Variants in PDE3B observed in about 807,000 individuals in gnomAD.
PDE3B encodes the protein phosphodiesterase 3B, also known as cGMP-inhibited 3',5'-cyclic phosphodiesterase 3B.
In PDE3B, 66 loss-of-function variants were observed where a neutral mutation model predicts 116.8. The observed-to-expected ratio is 0.56, with a 90% CI of 0.46 to 0.69. PDE3B has a LOEUF of 0.69. Ranked by LOEUF, PDE3B falls within the 30% of genes least tolerant of loss-of-function variation. PDE3B has a pLI of 0.00. For synonymous variants in PDE3B, 595 were observed against 533.6 expected (o/e 1.12, Z -1.59); for missense variants, 1,384 against 1,368.1 (o/e 1.01, Z -0.18).
chr11:14,782,192 A>G (rs902767351), intron 2 of PDE3B, among the ~76,000 whole-genome samples: 2 of 152,220 alleles, frequency 1.3e-5, no homozygotes, highest in African/African-American at 4.8e-5. Context: ...GCCCAAAGTC[A>G]TTTATAGATT....
intron 10 of PDE3B, among the ~76,000 whole-genome samples, chr11:14,834,265 A>G (rs1470202439): frequency 6.6e-6 from 1 of 152,204 alleles, no homozygotes; most frequent in African/African-American, 2.4e-5. Flanking sequence ...AACTGCAATC[A>G]TTAGATTCAC....
intron 1 of PDE3B, among the ~76,000 whole-genome samples, chr11:14,688,074 T>G (rs1463864068): frequency 6.6e-6 from 1 of 151,352 alleles, no homozygotes; most frequent in African/African-American, 2.4e-5. Flanking sequence ...GAATTAAAAT[T>G]TTCTTTCTTT....
rs1176918379 is a variant in PDE3B at position 14,645,016 on chromosome 11, T to A, written c.941T>A (p.Phe314Tyr). 3 of 1,612,766 alleles carry A rather than the reference T, an allele frequency of 1.9e-6. No individual in the cohort carries two copies. Among genetic ancestry groups the A allele is most frequent in the Non-Finnish European group, 1.7e-6 (2 of 1,179,586 alleles). ...AASYYGSCKI[F>Y]RRPSLPCISR... ...AGTTACTATGGCAGTTGCAAAATAT[T>A]CAGGAGACCGTCGTTGCCTTGTATT... The change falls in exon 1 of 16, where the codon TTC becomes TAC. Residue 314 changes from phenylalanine (F) to tyrosine (Y), a missense_variant. Phe to Tyr is a conservative substitution (Grantham distance 22). This residue lies in a region of PDE3B where 956 missense variants were observed against 806.8 expected (regional missense o/e 1.18). Coordinates refer to ENST00000282096, the MANE Select transcript of PDE3B (RefSeq NM_000922.4).
chr11:14,678,995 A>G (rs1228453061), intron 1 of PDE3B, among the ~76,000 whole-genome samples: 3 of 152,094 alleles, frequency 2.0e-5, no homozygotes, highest in African/African-American at 7.2e-5. Context: ...TTCTAACATC[A>G]TTTGTTGTGT....
At chr11:14,690,677 C>A (rs1457661332) in intron 1 of PDE3B, among the ~76,000 whole-genome samples, 1 of 150,488 alleles carries the variant, frequency 6.6e-6, no homozygotes, top group East Asian at 2.0e-4. Context: ...CCAACAATAC[C>A]TGGGAGGCAC....
At chr11:14,724,995 G>A (rs748815450) in intron 1 of PDE3B, among the ~76,000 whole-genome samples, 17 of 152,170 alleles carry the variant, frequency 1.1e-4, no homozygotes, top group Non-Finnish European at 1.5e-4. Flanking sequence ...TAGAAAGTAC[G>A]TAAATAAACA....
At chr11:14,661,797 A>C (rs918850249) in intron 1 of PDE3B, among the ~76,000 whole-genome samples, 2 of 152,224 alleles carry the variant, frequency 1.3e-5, no homozygotes, top group East Asian at 3.9e-4. Flanking sequence ...TAAACAAAGC[A>C]GCAGGTAAGC....
chr11:14,645,292 C>T (rs1448209387), intron 1 of PDE3B, among the ~76,000 whole-genome samples: 1 of 151,980 alleles, frequency 6.6e-6, no homozygotes, highest in Non-Finnish European at 1.5e-5. Context: ...ATCAAATAGC[C>T]CGCTAATCAC....
intron 1 of PDE3B, among the ~76,000 whole-genome samples, chr11:14,679,874 G>A (rs1854647937): frequency 6.6e-6 from 1 of 151,966 alleles, no homozygotes; most frequent in Non-Finnish European, 1.5e-5. Flanking sequence ...TCACTCTAGT[G>A]GAACAGGAAG....
At chr11:14,750,551 G>T (rs1424718507) in intron 1 of PDE3B, among the ~76,000 whole-genome samples, 2 of 151,716 alleles carry the variant, frequency 1.3e-5, no homozygotes, top group African/African-American at 4.8e-5. Context: ...CTAATTATAA[G>T]AACATATATT....
chr11:14,710,766 A>C (rs1365437260), intron 1 of PDE3B, among the ~76,000 whole-genome samples: 2 of 152,162 alleles, frequency 1.3e-5, no homozygotes, highest in East Asian at 3.9e-4. Flanking sequence ...TTTTTAGGCT[A>C]TCCTTCCTAT....
intron 1 of PDE3B, among the ~76,000 whole-genome samples, chr11:14,766,324 T>G (rs924754347): frequency 6.6e-6 from 1 of 151,648 alleles, no homozygotes; most frequent in Non-Finnish European, 1.5e-5. Flanking sequence ...AGGGGTTTTT[T>G]GGCTGTTGGT....
At chr11:14,677,443 A>G (rs879514437) in intron 1 of PDE3B, among the ~76,000 whole-genome samples, 12 of 152,186 alleles carry the variant, frequency 7.9e-5, no homozygotes, top group Non-Finnish European at 1.0e-4. Flanking sequence ...ATATCTTTCT[A>G]TGTTTTAGAT....
intron 1 of PDE3B, among the ~76,000 whole-genome samples, chr11:14,692,678 A>C (rs2133808037): frequency 6.6e-6 from 1 of 152,208 alleles, no homozygotes; most frequent in East Asian, 1.9e-4. Context: ...GAGCTAACTT[A>C]ATTGATAAAT....
intron 1 of PDE3B, among the ~76,000 whole-genome samples, chr11:14,649,055 T>C (rs1040214516): frequency 6.6e-5 from 10 of 152,186 alleles, no homozygotes; most frequent in Non-Finnish European, 1.5e-4. Context: ...ATTTCCATTA[T>C]AGTGCATTAG....
chr11:14,839,088 T>C (rs1238574423), intron 11 of PDE3B, among the ~76,000 whole-genome samples: 1 of 152,238 alleles, frequency 6.6e-6, no homozygotes, highest in Non-Finnish European at 1.5e-5. Flanking sequence ...AATGCTATGC[T>C]GGTCCTACAG....
intron 1 of PDE3B, among the ~76,000 whole-genome samples, chr11:14,761,907 T>G (rs574269131): frequency 2.6e-5 from 4 of 152,174 alleles, no homozygotes; most frequent in African/African-American, 4.8e-5. Flanking sequence ...GAATATAAAT[T>G]GAGTTTTTAA....
At chr11:14,764,201 C>A (rs576448894) in intron 1 of PDE3B, among the ~76,000 whole-genome samples, 1 of 152,232 alleles carries the variant, frequency 6.6e-6, no homozygotes, top group Admixed American at 6.6e-5. Flanking sequence ...AGGAACACAG[C>A]TGTTGCCAGA....
chr11:14,885,864 A>G, the PDE3B span: 2 of 1,613,548 alleles, frequency 1.2e-6, no homozygotes, highest in Admixed American at 1.7e-5. Flanking sequence ...CCTTTACTAC[A>G]TCATAGCCAT....
Sources: gnomAD v4.1 joint callset for allele counts (sites outside exome capture counted in the v4.1 genomes callset) on GRCh38, gnomAD v4.1.1 for gene constraint, gnomAD v4.1.1 regional missense constraint, MANE v1.5 for transcripts, NCBI Gene and HGNC (gene_info 2026-07-23, HGNC 2026-07-21) for gene names.